The following MAGI1 variants were observed in gnomAD, a reference collection of about 807,000 sequenced individuals.
The protein encoded by MAGI1 is membrane-associated guanylate kinase, WW and PDZ domain-containing protein 1.
Under a neutral mutation model 139.9 loss-of-function variants are expected in MAGI1, and 58 were observed. The ratio of observed to expected loss-of-function variants is 0.41; its 90% CI spans 0.34 to 0.52. The LOEUF (loss-of-function observed/expected upper bound fraction) is 0.52, where lower values mean the gene tolerates loss of function less well. Among genes scored for constraint, MAGI1 ranks in the 20% least tolerant of loss-of-function variants. The pLI, the probability that MAGI1 is intolerant of heterozygous loss-of-function variation, is 0.12. For missense variants in MAGI1, 1,874 were observed against 1,901.6 expected (o/e 0.99, Z 0.27); for synonymous variants, 812 against 737.9 (o/e 1.10, Z -1.63).
At chr3:65,809,164 C>T (rs1460886467) in intron 1 of MAGI1, among the ~76,000 whole-genome samples, 1 of 152,154 alleles carries the variant, frequency 6.6e-6, no homozygotes, top group East Asian at 1.9e-4. Context: ...AGCAGAGCAG[C>T]GTAAAAAGGT....
chr3:65,773,266 C>T (rs79618727), intron 1 of MAGI1, among the ~76,000 whole-genome samples: 4,501 of 152,224 alleles, frequency 0.03, 85 homozygotes, highest in Middle Eastern at 0.044. Context: ...GGCACCATGG[C>T]TCACACCTGT....
chr3:65,711,416 C>G (rs975911386), intron 1 of MAGI1, among the ~76,000 whole-genome samples: 10 of 152,112 alleles, frequency 6.6e-5, no homozygotes, highest in Middle Eastern at 3.4e-3. Flanking sequence ...TCTCTAAAAA[C>G]AGATAATTCA....
intron 1 of MAGI1, among the ~76,000 whole-genome samples, chr3:65,919,380 C>G (rs941922803): frequency 6.6e-6 from 1 of 151,814 alleles, no homozygotes; most frequent in Non-Finnish European, 1.5e-5. Flanking sequence ...CTGGGCAACA[C>G]AGGGAGACCC....
Position 65,960,823 on chromosome 3 carries a change from T to C in MAGI1, c.313+77173A>G, listed in dbSNP as rs529043506. Among the ~76,000 whole-genome samples the C allele has an allele frequency of 2.0e-5, 3 of 152,326 alleles. No individual in the cohort carries two copies. In the East Asian group the frequency reaches 5.8e-4, roughly 29 times the overall value. On this transcript the variant is annotated intron_variant, in intron 1 of 22. Coordinates refer to ENST00000402939, the MANE Select transcript of MAGI1 (RefSeq NM_001033057.2). ...TGTTTCCATATAACTTCACCATCCT[T>C]GCTCCTATATGGCCACAAAGAAAAT...
intron 1 of MAGI1, among the ~76,000 whole-genome samples, chr3:65,959,348 A>G (rs2064293200): frequency 6.6e-6 from 1 of 152,072 alleles, no homozygotes; most frequent in Non-Finnish European, 1.5e-5. Context: ...TTAGCTATAC[A>G]ATGATTTAAT....
intron 1 of MAGI1, among the ~76,000 whole-genome samples, chr3:65,848,699 G>C (rs1478575827): frequency 6.6e-6 from 1 of 151,894 alleles, no homozygotes; most frequent in Admixed American, 6.6e-5. Context: ...CTGGGTCCTA[G>C]ACCCAGATAG....
At chr3:65,508,419 T>C (rs1215333865) in intron 2 of MAGI1, among the ~76,000 whole-genome samples, 4 of 151,810 alleles carry the variant, frequency 2.6e-5, no homozygotes, top group African/African-American at 9.7e-5. Context: ...AAAATAAAAA[T>C]AAAAATAAAT....
intron 2 of MAGI1, among the ~76,000 whole-genome samples, chr3:65,545,231 C>T (rs2079439639): frequency 6.6e-6 from 1 of 151,966 alleles, no homozygotes; most frequent in African/African-American, 2.4e-5. Context: ...TTAAAAGAAA[C>T]TTGAGAAATG....
At chr3:65,402,004 G>T in intron 12 of MAGI1, 1 of 545,546 alleles carries the variant, frequency 1.8e-6, no homozygotes, top group Non-Finnish European at 2.3e-6. Context: ...ATTTGGATGA[G>T]CTCAATACCA....
At chr3:65,690,313 A>C (rs554989621) in intron 1 of MAGI1, among the ~76,000 whole-genome samples, 2 of 152,262 alleles carry the variant, frequency 1.3e-5, no homozygotes, top group East Asian at 3.9e-4. Flanking sequence ...TTTTAGCTTA[A>C]AAACCCCACT....
At chr3:65,852,741 G>C (rs1260850406) in intron 1 of MAGI1, among the ~76,000 whole-genome samples, 1 of 151,796 alleles carries the variant, frequency 6.6e-6, no homozygotes, top group African/African-American at 2.4e-5. Flanking sequence ...GACCTCAGGT[G>C]ATCTGCCCGC....
intron 2 of MAGI1, among the ~76,000 whole-genome samples, chr3:65,619,572 C>A (rs898990833): frequency 6.6e-6 from 1 of 152,174 alleles, no homozygotes; most frequent in Non-Finnish European, 1.5e-5. Context: ...CATTTCCCTG[C>A]AGCACAGTTA....
intron 1 of MAGI1, chr3:65,874,235 G>C (rs972441843): frequency 2.6e-5 from 4 of 151,888 alleles, no homozygotes; most frequent in African/African-American, 9.7e-5. Flanking sequence ...GTAGTGAGCC[G>C]AAATCTCACC....
At chr3:65,449,257 A>G (rs967292706) in intron 6 of MAGI1, among the ~76,000 whole-genome samples, 1 of 152,192 alleles carries the variant, frequency 6.6e-6, no homozygotes, top group Non-Finnish European at 1.5e-5. Context: ...TATATACCCT[A>G]GAACTTAAAG....
Position 66,031,028 on chromosome 3 carries a change from A to G in MAGI1, c.313+6968T>C, listed in dbSNP as rs868129858. 7.2e-4 allele frequency among the ~76,000 whole-genome samples: 110 copies of G among 152,354 alleles called. 2 individuals carry two copies. Among genetic ancestry groups the G allele is most frequent in the Non-Finnish European group, 7.9e-4 (54 of 68,046 alleles). On this transcript the variant is annotated intron_variant, in intron 1 of 22. Transcript: ENST00000402939. ...TCTGTTGAAACAACAAAATGAATTC[A>G]TAAGAAATACTACATCGATGCCGAC...
At chr3:65,908,763 A>C (rs2061540494) in intron 1 of MAGI1, among the ~76,000 whole-genome samples, 1 of 152,178 alleles carries the variant, frequency 6.6e-6, no homozygotes, top group African/African-American at 2.4e-5. Flanking sequence ...AATGTGGATC[A>C]GCCTTTCTAA....
intron 2 of MAGI1, among the ~76,000 whole-genome samples, chr3:65,549,918 T>G (rs533086337): frequency 6.6e-6 from 1 of 152,332 alleles, no homozygotes; most frequent in South Asian, 2.1e-4. Context: ...ACTATTTTAC[T>G]TATGATTATC....
At chr3:65,824,759 C>T (rs752675660) in intron 1 of MAGI1, among the ~76,000 whole-genome samples, 4 of 152,168 alleles carry the variant, frequency 2.6e-5, no homozygotes, top group East Asian at 3.9e-4. Flanking sequence ...CATGTTACTA[C>T]AAGTCATGGC....
chr3:65,401,376 ACCTCCAG>A, intron 13 of MAGI1, 56 bp downstream of exon 13: 9 of 406,652 alleles, frequency 2.2e-5, no homozygotes, highest in Admixed American at 3.9e-5. Flanking sequence ...GTACCCTCCC[ACCTCCAG>A]CCCCCCACCA....
Sources: allele counts gnomAD v4.1 joint callset (sites outside exome capture counted in the v4.1 genomes callset), GRCh38; gene constraint gnomAD v4.1.1; transcripts MANE v1.5; gene names NCBI Gene and HGNC (gene_info 2026-07-23, HGNC 2026-07-21).